Variants in DENND1A observed in about 807,000 individuals in gnomAD.
DENND1A encodes the protein DENN domain-containing protein 1A.
DENND1A carries 51 observed loss-of-function variants against 113.7 expected under a neutral mutation model. That is an observed-to-expected ratio of 0.45 (90% CI 0.36 to 0.57). The LOEUF is 0.57. DENND1A is among the 20% of genes least tolerant of loss of function. The pLI, the probability that DENND1A is intolerant of heterozygous loss-of-function variation, is 0.00. For synonymous variants in DENND1A, 565 were observed against 570.8 expected (o/e 0.99, Z 0.14); for missense variants, 1,258 against 1,395.9 (o/e 0.90, Z 1.57).
intron 13 of DENND1A, among the ~76,000 whole-genome samples, chr9:123,520,147 CAAAAAAAAAA>C (rs777054330): frequency 7.5e-4 from 28 of 37,298 alleles, no homozygotes; most frequent in Non-Finnish European, 1.1e-3. Flanking sequence ...GATCCTGTCT[CAAAAAAAAAA>C]AAAAAAAAAA....
intron 2 of DENND1A, among the ~76,000 whole-genome samples, chr9:123,871,655 T>A (rs1434862715): frequency 6.6e-6 from 1 of 152,172 alleles, no homozygotes; most frequent in Non-Finnish European, 1.5e-5. Context: ...CACCCACGTA[T>A]CTGAGAAACT....
At chr9:123,858,207 T>C (rs1024246778) in intron 2 of DENND1A, among the ~76,000 whole-genome samples, 1 of 152,252 alleles carries the variant, frequency 6.6e-6, no homozygotes, top group African/African-American at 2.4e-5. Context: ...GTATCAATGT[T>C]AATTTCCTCA....
intron 11 of DENND1A, among the ~76,000 whole-genome samples, chr9:123,602,335 C>G (rs539235210): frequency 2.0e-5 from 3 of 152,154 alleles, no homozygotes; most frequent in African/African-American, 7.2e-5. Flanking sequence ...TAGCCAATAC[C>G]ATATTGGCTT....
At chr9:123,652,520 C>T (rs2062714677) in intron 8 of DENND1A, among the ~76,000 whole-genome samples, 1 of 152,182 alleles carries the variant, frequency 6.6e-6, no homozygotes, top group Non-Finnish European at 1.5e-5. Flanking sequence ...AATCTTTGGG[C>T]CCCAGATCCT....
intron 2 of DENND1A, among the ~76,000 whole-genome samples, chr9:123,877,745 C>A (rs1847719531): frequency 6.6e-6 from 1 of 151,564 alleles, no homozygotes; most frequent in South Asian, 2.1e-4. Context: ...ACTACTTGAC[C>A]CAGGAGGCGG....
chr9:123,787,840 C>CAA (rs1443080316), intron 3 of DENND1A, among the ~76,000 whole-genome samples: 1 of 152,092 alleles, frequency 6.6e-6, no homozygotes, highest in East Asian at 1.9e-4. Context: ...AGAGCTTGTA[C>CAA]AAGAAACACT....
chr9:123,748,128 CAAAT>C (rs2069678403), intron 5 of DENND1A, among the ~76,000 whole-genome samples: 1 of 152,118 alleles, frequency 6.6e-6, no homozygotes, highest in African/African-American at 2.4e-5. Flanking sequence ...CAATCTCACA[CAAAT>C]AAATTATGTA....
intron 2 of DENND1A, among the ~76,000 whole-genome samples, chr9:123,848,729 T>A (rs1842953722): frequency 6.6e-6 from 1 of 152,162 alleles, no homozygotes; most frequent in African/African-American, 2.4e-5. Flanking sequence ...ACAGCCCAAC[T>A]GCGAATCCAA....
chr9:123,457,473 A>C, intron 14 of DENND1A, 38 bp from the exon 15 acceptor site: 1 of 1,534,972 alleles, frequency 6.5e-7, no homozygotes, highest in African/African-American at 1.4e-5. Flanking sequence ...CAGCTCGTAC[A>C]AAGAAAAGGG....
intron 19 of DENND1A, among the ~76,000 whole-genome samples, chr9:123,433,300 G>A (rs915395893): frequency 1.3e-5 from 2 of 152,166 alleles, no homozygotes; most frequent in African/African-American, 2.4e-5. Context: ...TAAAACCTGT[G>A]CTTCATCCAC....
chr9:123,771,191 T>C (rs1829669699), intron 3 of DENND1A, among the ~76,000 whole-genome samples: 1 of 152,226 alleles, frequency 6.6e-6, no homozygotes, highest in Admixed American at 6.5e-5. Context: ...TATAAACTAA[T>C]CATGCTTAGA....
At chr9:123,758,476 C>T (rs1001277435) in intron 4 of DENND1A, among the ~76,000 whole-genome samples, 5 of 152,310 alleles carry the variant, frequency 3.3e-5, no homozygotes, top group Admixed American at 6.5e-5. Context: ...CACGTTCACA[C>T]AGCTACAAAG....
intron 1 of DENND1A, among the ~76,000 whole-genome samples, chr9:123,927,894 TA>T (rs1857372343): frequency 6.6e-6 from 1 of 152,210 alleles, no homozygotes; most frequent in South Asian, 2.1e-4. Flanking sequence ...CTTAAGTGGG[TA>T]ATTTCCTGTC....
At chr9:123,896,178 G>T (rs962128986) in intron 1 of DENND1A, among the ~76,000 whole-genome samples, 1 of 152,034 alleles carries the variant, frequency 6.6e-6, no homozygotes, top group African/African-American at 2.4e-5. Context: ...AGGGCATGGT[G>T]GTACACGCCT....
At chr9:123,518,674 T>C (rs747739331) in intron 13 of DENND1A, among the ~76,000 whole-genome samples, 9 of 152,136 alleles carry the variant, frequency 5.9e-5, no homozygotes, top group Non-Finnish European at 1.2e-4. Flanking sequence ...GCACAGTACC[T>C]GGCAAGTCCT....
chr9:123,536,930 A>G (rs1312079621), intron 13 of DENND1A, among the ~76,000 whole-genome samples: 1 of 151,882 alleles, frequency 6.6e-6, no homozygotes, highest in Non-Finnish European at 1.5e-5. Flanking sequence ...TAAAGTCAGG[A>G]AACCTAATTT....
chr9:123,920,217 G>A (rs1405204707), intron 1 of DENND1A, among the ~76,000 whole-genome samples: 6 of 152,138 alleles, frequency 3.9e-5, no homozygotes, highest in Non-Finnish European at 8.8e-5. Context: ...GATCACCTGA[G>A]GTCAGGAGTT....
chr9:123,695,074 ATTGTTTCCTGGC>A (rs1442149904), intron 5 of DENND1A, among the ~76,000 whole-genome samples: 4 of 152,046 alleles, frequency 2.6e-5, no homozygotes, highest in Admixed American at 1.3e-4. Flanking sequence ...CTCATGCTGG[ATTGTTTCCTGGC>A]CTCAAACGTC....
rs140611108 is a variant in DENND1A at position 123,599,811 on chromosome 9, C to T, written c.765+9625G>A. On this transcript the variant is annotated intron_variant, in intron 11 of 23. Transcript: ENST00000394215. The stretch of plus-strand genomic sequence containing the variant: ...TTACACATTGCCCTGGCCCATTTAA[C>T]GGCCTTCCAAATCAATTATTTTAGG... Among the ~76,000 whole-genome samples the T allele has an allele frequency of 1.8e-3, 275 of 152,300 alleles. 2 individuals are homozygous for T. The highest frequency in any genetic ancestry group is 6.2e-3 in the African/African-American group (258 of 41,570).
Sources: gnomAD v4.1 joint callset for allele counts (sites outside exome capture counted in the v4.1 genomes callset) on GRCh38, gnomAD v4.1.1 for gene constraint, MANE v1.5 for transcripts, NCBI Gene and HGNC (gene_info 2026-07-23, HGNC 2026-07-21) for gene names.